Variants in APTX observed in about 807,000 individuals in gnomAD.
APTX encodes forkhead-associated domain histidine triad-like protein.
Under a neutral mutation model 42.3 loss-of-function variants are expected in APTX, and 33 were observed. The observed-to-expected ratio is 0.78, with a 90% CI of 0.59 to 1.04. The LOEUF (loss-of-function observed/expected upper bound fraction) is 1.04. Ranked by LOEUF, APTX falls within the 50% of genes least tolerant of loss-of-function variation. APTX has a pLI of 0.00. For synonymous variants in APTX, 130 were observed against 146.7 expected, an observed-to-expected ratio of 0.89 and a Z score of 0.82; for missense variants, 421 against 415.1, an observed-to-expected ratio of 1.01 and a Z score of -0.12.
chr9:33,020,027 C>T (rs1564006472), intron 1 of APTX: 2 of 400,878 alleles, frequency 5.0e-6, no homozygotes, highest in East Asian at 3.6e-5. Flanking sequence ...GGGGGAGCTC[C>T]GCTGGCCGGA....
intron 3 of APTX, 117 bp from the exon 4 acceptor site, chr9:32,987,963 A>G (rs1472077628): frequency 4.0e-6 from 6 of 1,506,450 alleles, no homozygotes; most frequent in Non-Finnish European, 4.6e-6. Flanking sequence ...ATGTTCACCT[A>G]TATTACTCCA....
At chr9:33,019,738 CCGCA>C in intron 1 of APTX, 1 of 573,486 alleles carries the variant, frequency 1.7e-6, no homozygotes, top group Non-Finnish European at 3.0e-6. Context: ...GCTGCAGGGT[CCGCA>C]CCACCAGAGA....
At chr9:32,983,222 C>T (rs1379790059) in intron 6 of APTX, among the ~76,000 whole-genome samples, 7 of 152,088 alleles carry the variant, frequency 4.6e-5, no homozygotes, top group Admixed American at 6.5e-5. Context: ...CACAATAACA[C>T]ACATGAATCT....
At chr9:33,004,112 C>A (rs1193325851), upstream of APTX, among the ~76,000 whole-genome samples, 1 of 152,222 alleles carries the variant, frequency 6.6e-6, no homozygotes, top group African/African-American at 2.4e-5. Flanking sequence ...GAAATAATGT[C>A]TTTTGAAGCA....
In APTX at chr9:32,984,657, C is replaced by T. The variant is rs1366400139; in HGVS notation, c.744G>A (p.Leu248=). Residue 248 remains leucine (L), a synonymous_variant, in exon 6 of 8, where the codon TTG becomes TTA. Transcript: ENST00000379817. The stretch of plus-strand genomic sequence containing the variant: ...TCATACTCGGAATGGCGTGGTAGCC[C>T]AATCGGAAGCGGAGTTTGCTGGACC... ...FAGSSKLRFR[L]GYHAIPSMSH... is the part of the protein sequence containing the mutation. 1.9e-6 allele frequency: 3 copies of T among 1,614,166 alleles called. No individual in the cohort carries two copies. Among genetic ancestry groups the T allele is most frequent in the Non-Finnish European group, 2.5e-6 (3 of 1,180,018 alleles).
chr9:32,986,059 A>AAAAAAAAAAAAC lies in APTX; in HGVS notation c.484-41_484-30dup, dbSNP rs1832015384. ...AAAAAAAAACAAAAAAAAAAACAAAAAAAAAAAAAAACAAGCAATGTAAAT... is the reference window on the plus strand; with the variant it reads ...AAAAAAAAACAAAAAAAAAAACAAAAAAAAAAAAAAACAAAAAAAAAAACAAGCAATGTAAAT... On this transcript the variant is annotated intron_variant, in intron 4 of 7. Coordinates refer to ENST00000379817, the MANE Select transcript of APTX (RefSeq NM_001195248.2). 3 of 1,240,040 alleles carry AAAAAAAAAAAAC rather than the reference A, an allele frequency of 2.4e-6. No individual in the cohort carries two copies. The African/African-American group carries it at 4.9e-5, about 20-fold the overall frequency. The allele number at this position is 1,240,040 out of a possible 1,614,324, so 76.8% of individuals were successfully genotyped here. A position where few individuals can be genotyped will look rare whatever the true frequency, so the allele number is the denominator to read the frequency against.
intron 1 of APTX, among the ~76,000 whole-genome samples, chr9:33,006,999 C>CAAAAAAAAAAAT (rs1837194907): frequency 2.0e-5 from 1 of 49,446 alleles, no homozygotes; most frequent in Non-Finnish European, 3.5e-5. Context: ...GACTCTGTCT[C>CAAAAAAAAAAAT]AAAAAAAAAA....
chr9:33,019,558 T>A (rs1014184220), intron 1 of APTX: 5 of 346,506 alleles, frequency 1.4e-5, no homozygotes, highest in Non-Finnish European at 2.7e-5. Context: ...AAGGGACCCC[T>A]GAGCACACAA....
intron 1 of APTX, among the ~76,000 whole-genome samples, chr9:33,017,158 C>T (rs1337931608): frequency 1.3e-5 from 2 of 152,092 alleles, no homozygotes; most frequent in Non-Finnish European, 2.9e-5. Context: ...ACTAATTATC[C>T]AACATTATTG....
At chr9:32,990,315 G>A (rs1450816665) in intron 1 of APTX, among the ~76,000 whole-genome samples, 2 of 152,134 alleles carry the variant, frequency 1.3e-5, no homozygotes, top group African/African-American at 4.8e-5. Flanking sequence ...TGGGATTACA[G>A]GCACCCGCCA....
At chr9:33,003,955 G>A (rs960470985), upstream of APTX, among the ~76,000 whole-genome samples, 2 of 152,114 alleles carry the variant, frequency 1.3e-5, no homozygotes, top group African/African-American at 4.8e-5. Flanking sequence ...ATGAACATGA[G>A]TGTATAAATA....
upstream of APTX, among the ~76,000 whole-genome samples, chr9:33,002,058 C>G (rs10813921): frequency 0.071 from 10,728 of 152,158 alleles, 514 homozygotes; most frequent in Non-Finnish European, 0.11. Flanking sequence ...AAGAATGGAG[C>G]GGTAAGAGGC....
chr9:33,003,407 A>T (rs1388152962), upstream of APTX, among the ~76,000 whole-genome samples: 2 of 152,150 alleles, frequency 1.3e-5, no homozygotes, highest in Admixed American at 1.3e-4. Flanking sequence ...TCGGCCAGGC[A>T]CGGTGGCTCA....
At chr9:33,018,920 A>T (rs1587671419) in intron 1 of APTX, among the ~76,000 whole-genome samples, 1 of 152,202 alleles carries the variant, frequency 6.6e-6, no homozygotes, top group South Asian at 2.1e-4. Context: ...CAAGGTCCTT[A>T]AAAATAAGTA....
intron 1 of APTX, among the ~76,000 whole-genome samples, chr9:32,994,690 ATC>A (rs1290602573): frequency 6.6e-6 from 1 of 152,182 alleles, no homozygotes; most frequent in African/African-American, 2.4e-5. Flanking sequence ...TTATTATTAT[ATC>A]TGTTACAATG....
intron 4 of APTX, among the ~76,000 whole-genome samples, chr9:32,987,330 T>C (rs922466249): frequency 1.3e-5 from 2 of 152,260 alleles, no homozygotes; most frequent in Admixed American, 6.5e-5. Context: ...ACTGCCATTA[T>C]TGTTGTACCT....
In APTX at chr9:32,986,501, ATTCT is replaced by A. The variant is rs757519580; in HGVS notation, c.484-475_484-472del. Among the ~76,000 whole-genome samples, 20 of 139,218 alleles carry A rather than the reference ATTCT, an allele frequency of 1.4e-4. 1 individual carries two copies. The highest frequency in any genetic ancestry group is 4.6e-4 in the South Asian group (2 of 4,374). The allele number at this position is 139,218 out of a possible 152,430, so 91.3% of individuals were successfully genotyped here. On this transcript the variant is annotated intron_variant, in intron 4 of 7. Coordinates refer to ENST00000379817, the MANE Select transcript of APTX (RefSeq NM_001195248.2). ...CGTGAGCCACCACACCCGACCCTATATTCTTTCTTTTTTTTTTTGAGATGGGGTT... is the reference window on the plus strand; with the variant it reads ...CGTGAGCCACCACACCCGACCCTATATTCTTTTTTTTTTTGAGATGGGGTT...
intron 1 of APTX, among the ~76,000 whole-genome samples, chr9:32,994,247 A>G (rs1834316294): frequency 6.6e-6 from 1 of 152,222 alleles, no homozygotes; most frequent in Admixed American, 6.5e-5. Flanking sequence ...TAGCTAGTAC[A>G]ACAGAGAAAC....
upstream of APTX, among the ~76,000 whole-genome samples, chr9:33,005,189 A>G (rs1385211212): frequency 1.3e-5 from 2 of 152,102 alleles, no homozygotes; most frequent in African/African-American, 4.8e-5. Flanking sequence ...TAAGATTCCC[A>G]TTTCATAGGG....
Sources: allele counts gnomAD v4.1 joint callset (sites outside exome capture counted in the v4.1 genomes callset), GRCh38; gene constraint gnomAD v4.1.1; transcripts MANE v1.5; gene names NCBI Gene and HGNC (gene_info 2026-07-23, HGNC 2026-07-21).